The following DPP10 variants were observed in gnomAD, a reference collection of about 807,000 sequenced individuals.
The protein encoded by DPP10 is inactive dipeptidyl peptidase 10.
Under a neutral mutation model 120.9 loss-of-function variants are expected in DPP10, and 33 were observed. That is an observed-to-expected ratio of 0.27 (90% CI 0.21 to 0.37). The LOEUF (loss-of-function observed/expected upper bound fraction) is 0.37. Among genes scored for constraint, DPP10 ranks in the 10% least tolerant of loss-of-function variants. The pLI is 1.00. For missense variants in DPP10, 816 were observed against 942.8 expected, an observed-to-expected ratio of 0.87 and a Z score of 1.76; for synonymous variants, 337 against 326.1, an observed-to-expected ratio of 1.03 and a Z score of -0.36.
intron 1 of DPP10, among the ~76,000 whole-genome samples, chr2:114,830,391 T>C (rs922284461): frequency 1.3e-5 from 2 of 152,208 alleles, no homozygotes; most frequent in African/African-American, 4.8e-5. Context: ...TTTCCTTGCC[T>C]GGAGTATCCT....
At chr2:115,459,318 G>A (rs550201530) in intron 3 of DPP10, among the ~76,000 whole-genome samples, 39 of 152,018 alleles carry the variant, frequency 2.6e-4, no homozygotes, top group Admixed American at 4.6e-4. Context: ...CACCACGCCC[G>A]GCTAATTTTT....
Position 114,630,659 on chromosome 2 carries a change from C to A in DPP10, c.60+187821C>A, listed in dbSNP as rs78471378. ...GCCAGATTACCAAAGCAAGGTTTAC[C>A]AATGAGATAGCCAAGAGCCAGTTTT... On this transcript the variant is annotated intron_variant, in intron 1 of 25. Transcript: ENST00000410059. 5.9e-3 allele frequency among the ~76,000 whole-genome samples: 891 copies of A among 152,202 alleles called. 6 individuals carry two copies. Among genetic ancestry groups the A allele is most frequent in the African/African-American group, 0.021 (857 of 41,518 alleles).
intron 1 of DPP10, among the ~76,000 whole-genome samples, chr2:114,859,153 T>C: frequency 6.6e-6 from 1 of 150,406 alleles, no homozygotes; most frequent in South Asian, 2.1e-4. Flanking sequence ...ATAGCGAAAC[T>C]CTGTCTCTAC....
intron 5 of DPP10, among the ~76,000 whole-genome samples, chr2:115,535,234 T>G (rs1249423421): frequency 4.6e-5 from 7 of 151,152 alleles, no homozygotes; most frequent in Non-Finnish European, 4.4e-5. Context: ...TCTAGGGTTT[T>G]TATGGTTTTA....
chr2:114,707,408 T>C (rs79360965), intron 1 of DPP10, among the ~76,000 whole-genome samples: 2,680 of 152,332 alleles, frequency 0.018, 81 homozygotes, highest in African/African-American at 0.062. Flanking sequence ...GTATTATGAA[T>C]TTATATCCAC....
At chr2:114,861,508 A>G (rs949441140) in intron 1 of DPP10, among the ~76,000 whole-genome samples, 2 of 152,354 alleles carry the variant, frequency 1.3e-5, no homozygotes, top group East Asian at 1.9e-4. Flanking sequence ...AAATATTATT[A>G]TAGTGGTATT....
chr2:115,307,677 G>A (rs2061414766), intron 1 of DPP10, among the ~76,000 whole-genome samples: 1 of 151,872 alleles, frequency 6.6e-6, no homozygotes, highest in Non-Finnish European at 1.5e-5. Flanking sequence ...CTTGAAGTAG[G>A]GCATCATTAT....
chr2:115,479,288 C>T (rs965883179), intron 3 of DPP10, among the ~76,000 whole-genome samples: 1 of 152,040 alleles, frequency 6.6e-6, no homozygotes, highest in Non-Finnish European at 1.5e-5. Context: ...TTCATCCATG[C>T]TAAGGGAAAT....
intron 5 of DPP10, among the ~76,000 whole-genome samples, chr2:115,550,988 G>A (rs2079836984): frequency 6.6e-6 from 1 of 152,034 alleles, no homozygotes. Context: ...AAAAATTGGG[G>A]AATTTTATAT....
At chr2:114,499,870 C>T (rs138020021) in intron 1 of DPP10, among the ~76,000 whole-genome samples, 97 of 152,258 alleles carry the variant, frequency 6.4e-4, no homozygotes, top group African/African-American at 2.0e-3. Flanking sequence ...CAACATGAAC[C>T]AATTCTCCAC....
At chr2:115,775,424 C>T (rs62156290) in intron 13 of DPP10, among the ~76,000 whole-genome samples, 12,198 of 151,518 alleles carry the variant, frequency 0.081, 651 homozygotes, top group Non-Finnish European at 0.12. Context: ...TAAAAGAATA[C>T]TATGAATAAC....
At chr2:114,946,264 G>A (rs1697338956) in intron 1 of DPP10, among the ~76,000 whole-genome samples, 1 of 152,144 alleles carries the variant, frequency 6.6e-6, no homozygotes, top group South Asian at 2.1e-4. Flanking sequence ...AGGGGAAAGT[G>A]GGTGTGGACT....
At chr2:115,380,244 G>A (rs141707588) in intron 3 of DPP10, among the ~76,000 whole-genome samples, 5,647 of 152,134 alleles carry the variant, frequency 0.037, 135 homozygotes, top group South Asian at 0.081. Flanking sequence ...TCCTGTATTG[G>A]GTGCATATAT....
intron 5 of DPP10, among the ~76,000 whole-genome samples, chr2:115,605,702 A>ACT (rs914345212): frequency 4.0e-5 from 6 of 151,528 alleles, no homozygotes; most frequent in African/African-American, 1.2e-4. Context: ...AGTAAAATTT[A>ACT]CTCTCTCTCT....
chr2:115,316,247 T>G (rs541430898), intron 2 of DPP10, among the ~76,000 whole-genome samples: 2 of 152,296 alleles, frequency 1.3e-5, no homozygotes, highest in African/African-American at 4.8e-5. Flanking sequence ...ATTGACTAAT[T>G]TCACACAACT....
chr2:115,094,206 C>T (rs183083210), intron 1 of DPP10, among the ~76,000 whole-genome samples: 2 of 152,116 alleles, frequency 1.3e-5, no homozygotes, highest in Admixed American at 6.6e-5. Flanking sequence ...AAATTAAAAT[C>T]GAGAACGTGT....
intron 1 of DPP10, among the ~76,000 whole-genome samples, chr2:114,637,917 G>A (rs182170060): frequency 1.3e-5 from 2 of 151,902 alleles, no homozygotes; most frequent in East Asian, 3.9e-4. Context: ...GTTGGGTAGG[G>A]TGATGTCTCC....
Position 114,834,823 on chromosome 2 carries a change from C to T in DPP10, c.60+391985C>T, listed in dbSNP as rs1309791267. 2.7e-5 allele frequency among the ~76,000 whole-genome samples: 4 copies of T among 150,414 alleles called. 1 individual carries two copies. The highest frequency in any genetic ancestry group is 7.4e-5 in the African/African-American group (3 of 40,340). ...TATGTATATATAAGCCATGTCTACA[C>T]ACCTATGTATATATAAGCCATGTCT... is the stretch of plus-strand genomic sequence containing the variant. On this transcript the variant is annotated intron_variant, in intron 1 of 25. Transcript: ENST00000410059.
At chr2:114,893,926 A>G (rs988879363) in intron 1 of DPP10, among the ~76,000 whole-genome samples, 2 of 152,106 alleles carry the variant, frequency 1.3e-5, no homozygotes, top group Non-Finnish European at 2.9e-5. Flanking sequence ...AGTACATACT[A>G]ATTAGACTTC....
Sources: allele counts gnomAD v4.1 joint callset (sites outside exome capture counted in the v4.1 genomes callset), GRCh38; gene constraint gnomAD v4.1.1; transcripts MANE v1.5; gene names NCBI Gene and HGNC (gene_info 2026-07-23, HGNC 2026-07-21).